MAGI2: variants seen among roughly 807,000 people sequenced by gnomAD.
MAGI2 encodes the protein membrane associated guanylate kinase, WW and PDZ domain containing 2, also known as membrane-associated guanylate kinase, WW and PDZ domain-containing protein 2.
A neutral mutation model predicts 133.3 loss-of-function variants in MAGI2; 35 were observed. That is an observed-to-expected ratio of 0.26 (90% CI 0.20 to 0.35). The LOEUF (loss-of-function observed/expected upper bound fraction) is 0.35, where lower values mean the gene tolerates loss of function less well. Ranked by LOEUF, MAGI2 falls within the 10% of genes least tolerant of loss-of-function variation. The pLI, the probability that MAGI2 is intolerant of heterozygous loss-of-function variation, is 1.00. For synonymous variants in MAGI2, 729 were observed against 710.6 expected, an observed-to-expected ratio of 1.03 and a Z score of -0.41; for missense variants, 1,636 against 1,863.4, an observed-to-expected ratio of 0.88 and a Z score of 2.25.
intron 16 of MAGI2, among the ~76,000 whole-genome samples, 172 bp from the exon 17 acceptor site, chr7:78,135,378 C>A (rs369077971): frequency 1.3e-5 from 2 of 152,172 alleles, no homozygotes; most frequent in Non-Finnish European, 2.9e-5. Flanking sequence ...ACTACTGAGA[C>A]CAAAGTTTCT....
chr7:78,191,118 T>C (rs1013443269), intron 12 of MAGI2, among the ~76,000 whole-genome samples: 1 of 152,062 alleles, frequency 6.6e-6, no homozygotes, highest in Non-Finnish European at 1.5e-5. Context: ...AATATGAAGA[T>C]CCAGAAGGCC....
At chr7:78,793,714 A>T (rs1563513337) in intron 2 of MAGI2, among the ~76,000 whole-genome samples, 1 of 152,222 alleles carries the variant, frequency 6.6e-6, no homozygotes, top group Non-Finnish European at 1.5e-5. Context: ...TTAATATCAT[A>T]TTTGAATACC....
intron 2 of MAGI2, among the ~76,000 whole-genome samples, chr7:78,628,352 C>A (rs1423834890): frequency 6.6e-6 from 1 of 152,004 alleles, no homozygotes; most frequent in African/African-American, 2.4e-5. Flanking sequence ...ATATAGACTC[C>A]CCCATATTGT....
At chr7:79,329,107 TTCCAACATAC>T (rs1411772978) in intron 1 of MAGI2, among the ~76,000 whole-genome samples, 2 of 152,224 alleles carry the variant, frequency 1.3e-5, no homozygotes, top group Non-Finnish European at 2.9e-5. Context: ...GCTATTCTCC[TTCCAACATAC>T]TACATAGTCA....
At chr7:79,013,530 T>A (rs1808390828) in intron 1 of MAGI2, among the ~76,000 whole-genome samples, 1 of 152,154 alleles carries the variant, frequency 6.6e-6, no homozygotes, top group Admixed American at 6.6e-5. Context: ...TAAGTTCCTT[T>A]TTCAAAAATA....
At chr7:78,812,615 T>C (rs538272612) in intron 2 of MAGI2, among the ~76,000 whole-genome samples, 26 of 144,504 alleles carry the variant, frequency 1.8e-4, no homozygotes, top group African/African-American at 6.3e-4. Flanking sequence ...TGTGTGTGTG[T>C]ACATATATAT....
At chr7:79,241,092 A>T (rs1050280476) in intron 1 of MAGI2, among the ~76,000 whole-genome samples, 1 of 152,154 alleles carries the variant, frequency 6.6e-6, no homozygotes, top group African/African-American at 2.4e-5. Flanking sequence ...TGGAATAATT[A>T]TGTTTGGTCA....
At chr7:79,266,218 T>C (rs1834444261) in intron 1 of MAGI2, among the ~76,000 whole-genome samples, 1 of 150,886 alleles carries the variant, frequency 6.6e-6, no homozygotes, top group Non-Finnish European at 1.5e-5. Context: ...GACTCAAACA[T>C]CATATCCCTC....
chr7:78,503,972 G>T (rs1292908302), intron 4 of MAGI2, among the ~76,000 whole-genome samples: 1 of 151,724 alleles, frequency 6.6e-6, no homozygotes, highest in Non-Finnish European at 1.5e-5. Flanking sequence ...AGCAGTGTGA[G>T]GATGAACTAA....
chr7:78,065,799 G>A (rs1235727093), intron 21 of MAGI2: 18 of 450,068 alleles, frequency 4.0e-5, no homozygotes, highest in Non-Finnish European at 5.9e-5. Flanking sequence ...TAGGCAGTAA[G>A]AATAAAGACT....
chr7:78,711,454 A>G (rs1819181272), intron 2 of MAGI2, among the ~76,000 whole-genome samples: 1 of 151,556 alleles, frequency 6.6e-6, no homozygotes, highest in Non-Finnish European at 1.5e-5. Context: ...GATCATCTTT[A>G]TAGTCTGCTT....
chr7:78,623,938 A>T (rs1216528106), intron 3 of MAGI2, among the ~76,000 whole-genome samples: 2 of 152,086 alleles, frequency 1.3e-5, no homozygotes, highest in African/African-American at 4.8e-5. Context: ...ATGTTAGTAT[A>T]ACAAAACCTA....
chr7:78,654,834 TTC>T (rs1233984240), intron 2 of MAGI2, among the ~76,000 whole-genome samples: 4 of 151,096 alleles, frequency 2.6e-5, no homozygotes, highest in Non-Finnish European at 5.9e-5. Flanking sequence ...TGCTCTCTTG[TTC>T]TCTGTTTTGT....
At chr7:79,439,961 C>T (rs572134052) in intron 1 of MAGI2, among the ~76,000 whole-genome samples, 13 of 152,198 alleles carry the variant, frequency 8.5e-5, no homozygotes, top group Non-Finnish European at 1.0e-4. Context: ...TGTGGCCATC[C>T]ACTCCCCTGA....
At chr7:78,303,439 A>G (rs763464740) in intron 9 of MAGI2, among the ~76,000 whole-genome samples, 23 of 146,874 alleles carry the variant, frequency 1.6e-4, no homozygotes, top group Non-Finnish European at 3.3e-4. Context: ...GGATATCTTT[A>G]AAGCACCAGA....
At chr7:78,843,613 C>T (rs1000830915) in intron 2 of MAGI2, among the ~76,000 whole-genome samples, 3 of 151,720 alleles carry the variant, frequency 2.0e-5, no homozygotes, top group Non-Finnish European at 4.4e-5. Flanking sequence ...TGGGAAAATG[C>T]TATATGCAAT....
intron 2 of MAGI2, among the ~76,000 whole-genome samples, chr7:78,730,126 T>C (rs1821226088): frequency 6.6e-6 from 1 of 152,166 alleles, no homozygotes; most frequent in Non-Finnish European, 1.5e-5. Context: ...TGTTTATTAT[T>C]CCAAATAATT....
At chr7:78,359,243 G>C (rs796455238) in intron 7 of MAGI2, 1 of 152,156 alleles carries the variant, frequency 6.6e-6, no homozygotes, top group African/African-American at 2.4e-5. Flanking sequence ...CGTGAAAGGG[G>C]CATCTCTTTT....
chr7:79,144,424 T>C (rs1822421703), intron 1 of MAGI2, among the ~76,000 whole-genome samples: 1 of 152,030 alleles, frequency 6.6e-6, no homozygotes, highest in Admixed American at 6.6e-5. Context: ...ATGTAGCACC[T>C]CCCCCTTCTG....
Sources: allele counts gnomAD v4.1 joint callset (sites outside exome capture counted in the v4.1 genomes callset), GRCh38; gene constraint gnomAD v4.1.1; transcripts MANE v1.5; gene names NCBI Gene and HGNC (gene_info 2026-07-23, HGNC 2026-07-21).